Variants in ITPK1 observed in about 807,000 individuals in gnomAD.
ITPK1 encodes inositol-tetrakisphosphate 1-kinase.
A neutral mutation model predicts 45.3 loss-of-function variants in ITPK1; 21 were observed. That is an observed-to-expected ratio of 0.46 (90% confidence interval 0.33 to 0.67). The LOEUF (loss-of-function observed/expected upper bound fraction) is 0.67, where lower values mean the gene tolerates loss of function less well. ITPK1 is among the 30% of genes least tolerant of loss of function. ITPK1 has a pLI of 0.02. For missense variants in ITPK1, 474 were observed against 573.5 expected, an observed-to-expected ratio of 0.83 and a Z score of 1.77; for synonymous variants, 258 against 253.6, an observed-to-expected ratio of 1.02 and a Z score of -0.16.
At chr14:93,103,490 T>C (rs1173920303) in intron 2 of ITPK1, among the ~76,000 whole-genome samples, 1 of 152,020 alleles carries the variant, frequency 6.6e-6, no homozygotes, top group African/African-American at 2.4e-5. Context: ...CAGCACACTG[T>C]GGGCAAGAGC....
intron 2 of ITPK1, among the ~76,000 whole-genome samples, chr14:93,102,295 C>T (rs1405421922): frequency 6.6e-6 from 1 of 152,246 alleles, no homozygotes; most frequent in African/African-American, 2.4e-5. Context: ...GCGCCCAGGT[C>T]AAGGTGATAA....
chr14:92,946,560 A>AC lies in ITPK1; in HGVS notation c.739-68dup, dbSNP rs1271537197. The AC allele has an allele frequency of 3.6e-5, 53 of 1,454,870 alleles. No individual in the cohort carries two copies. In the African/African-American group the frequency reaches 5.0e-4, roughly 14 times the overall value. The allele number at this position is 1,454,870 out of a possible 1,614,324, so 90.1% of individuals were successfully genotyped here. A position where few individuals can be genotyped will look rare whatever the true frequency, so the allele number is the denominator to read the frequency against. Reference sequence around the variant, plus strand: ...CTGCGAAGCCACACCACACAGACAGACCCCCCACACCAGCTGCCACGAGGC... The same window carrying AC: ...CTGCGAAGCCACACCACACAGACAGACCCCCCCACACCAGCTGCCACGAGGC... On this transcript the variant is annotated intron_variant, in intron 9 of 10. Coordinates refer to ENST00000267615, the MANE Select transcript of ITPK1 (RefSeq NM_014216.6).
chr14:92,998,196 G>A (rs1305100925), intron 4 of ITPK1, among the ~76,000 whole-genome samples: 2 of 152,218 alleles, frequency 1.3e-5, no homozygotes, highest in Admixed American at 1.3e-4. Flanking sequence ...GATCATGGAT[G>A]CAAAAGGAGT....
At chr14:93,056,314 C>T (rs1168391363) in intron 3 of ITPK1, among the ~76,000 whole-genome samples, 3 of 152,184 alleles carry the variant, frequency 2.0e-5, no homozygotes, top group East Asian at 1.9e-4. Flanking sequence ...CCTCTGGGGT[C>T]ACCCAAGGGC....
At chr14:93,098,848 G>A (rs1253587871) in intron 2 of ITPK1, among the ~76,000 whole-genome samples, 1 of 152,088 alleles carries the variant, frequency 6.6e-6, no homozygotes, top group Non-Finnish European at 1.5e-5. Context: ...GAAAATTCTG[G>A]AACACCAAGC....
chr14:93,021,625 C>T lies in ITPK1; in HGVS notation c.121-4824G>A, dbSNP rs527295121. On this transcript the variant is annotated intron_variant, in intron 3 of 10. Coordinates refer to ENST00000267615, the MANE Select transcript of ITPK1 (RefSeq NM_014216.6). The stretch of plus-strand genomic sequence containing the variant: ...AAAAGAAAAGAAAAAGAAAAAGAAA[C>T]GAGCTTGGCCTCAGAGGACTCCATG... Among the ~76,000 whole-genome samples, 96 of 135,934 alleles carry T rather than the reference C, an allele frequency of 7.1e-4. 1 individual carries two copies. Among genetic ancestry groups the T allele is most frequent in the African/African-American group, 2.8e-3 (88 of 31,392 alleles). 89.2% of individuals were successfully genotyped at this position (135,934 alleles called of 152,430 possible).
intron 4 of ITPK1, among the ~76,000 whole-genome samples, chr14:93,006,264 G>C (rs1460591971): frequency 2.6e-5 from 4 of 152,208 alleles, no homozygotes; most frequent in African/African-American, 9.7e-5. Flanking sequence ...GCCCTGGGAA[G>C]GGCTGGGGAA....
Position 92,941,609 on chromosome 14 carries a change from G to A in ITPK1, c.1197C>T (p.Phe399=). 1 of 1,538,028 alleles carries A rather than the reference G, an allele frequency of 6.5e-7. No homozygotes were observed. The highest frequency in any genetic ancestry group is 8.7e-7 in the Non-Finnish European group (1 of 1,144,620). The change falls in exon 11 of 11, where the codon TTC becomes TTT. Residue 399 remains phenylalanine, a synonymous_variant. Coordinates refer to ENST00000267615, the MANE Select transcript of ITPK1 (RefSeq NM_014216.6). ...CCAGGGAGGCCACACAATGCTGCTG[G>A]AAGCTGGGCGACACGCCGGCGTTGC... ...LGCNAGVSPS[F]QQHCVASLAT... is the part of the protein sequence containing the mutation.
chr14:92,960,319 G>C (rs1333471043), intron 7 of ITPK1, among the ~76,000 whole-genome samples: 1 of 152,190 alleles, frequency 6.6e-6, no homozygotes, highest in African/African-American at 2.4e-5. Flanking sequence ...GGCATCCTGA[G>C]AGGGGTGCAC....
intron 5 of ITPK1, among the ~76,000 whole-genome samples, chr14:92,964,857 T>TA (rs1885265217): frequency 6.6e-6 from 1 of 152,206 alleles, no homozygotes; most frequent in Non-Finnish European, 1.5e-5. Context: ...ATAATGTCAC[T>TA]AGTGGCCAGT....
intron 3 of ITPK1, among the ~76,000 whole-genome samples, chr14:93,058,088 C>T (rs1890285185): frequency 1.3e-5 from 2 of 152,116 alleles, no homozygotes; most frequent in Non-Finnish European, 2.9e-5. Flanking sequence ...AGGGGACCTG[C>T]CACTGGGGCC....
At chr14:93,020,932 G>A (rs1354830877) in intron 3 of ITPK1, among the ~76,000 whole-genome samples, 8 of 152,040 alleles carry the variant, frequency 5.3e-5, no homozygotes, top group South Asian at 2.1e-4. Flanking sequence ...AGTCTGAGAC[G>A]GGGACTCATG....
At chr14:92,996,749 T>C (rs1887076731) in intron 4 of ITPK1, among the ~76,000 whole-genome samples, 1 of 152,104 alleles carries the variant, frequency 6.6e-6, no homozygotes, top group Non-Finnish European at 1.5e-5. Flanking sequence ...CTAAAGGCAC[T>C]TGGCTGTCCT....
chr14:92,977,600 G>A lies in ITPK1; in HGVS notation c.365-14751C>T, dbSNP rs111378376. On this transcript the variant is annotated intron_variant, in intron 5 of 10. Transcript: ENST00000267615. The stretch of plus-strand genomic sequence containing the variant: ...GATCATGGGGGTGGATTTCCCCCTC[G>A]CTGTTCTCATGACATGAGTGAGTTC... Among the ~76,000 whole-genome samples the A allele has an allele frequency of 4.0e-5, 6 of 149,474 alleles. No homozygotes were observed. The East Asian group carries it at 9.6e-4, about 24-fold the overall frequency.
intron 3 of ITPK1, chr14:93,067,817 T>G (rs1490046205): frequency 6.5e-6 from 1 of 153,424 alleles, no homozygotes; most frequent in Non-Finnish European, 1.5e-5. Flanking sequence ...TTTGTCTTAT[T>G]TGTTATCTAC....
rs991948931 is a variant in ITPK1 at position 92,941,483 on chromosome 14, A to G, written c.*78T>C. On this transcript the variant is annotated 3_prime_UTR_variant, in exon 11 of 11. Transcript: ENST00000267615. ...CAGATCACTGGGGATTCTTAGTAGT[A>G]GCATCGCCGTTGGGAGCTGCTGGCC... 4.0e-5 allele frequency: 57 copies of G among 1,443,022 alleles called. No individual in the cohort carries two copies. The highest frequency in any genetic ancestry group is 3.1e-4 in the African/African-American group (21 of 67,290). 89.4% of individuals were successfully genotyped at this position (1,443,022 alleles called of 1,614,324 possible).
chr14:93,075,078 C>A (rs1278881979), intron 3 of ITPK1, among the ~76,000 whole-genome samples: 1 of 152,120 alleles, frequency 6.6e-6, no homozygotes, highest in Non-Finnish European at 1.5e-5. Flanking sequence ...GTAATCCCAG[C>A]ACTTTTGGAA....
chr14:93,057,842 C>T (rs1054964971), intron 3 of ITPK1, among the ~76,000 whole-genome samples: 3 of 152,202 alleles, frequency 2.0e-5, no homozygotes, highest in Non-Finnish European at 2.9e-5. Context: ...TGCTTGGTGG[C>T]GCTAGGCACC....
rs1484633034 is a variant in ITPK1 at position 92,958,790 on chromosome 14, C to T, written c.505-424G>A. Among the ~76,000 whole-genome samples the T allele has an allele frequency of 6.6e-6, 1 of 152,156 alleles. No homozygotes were observed. Among genetic ancestry groups the T allele is most frequent in the Admixed American group, 6.5e-5 (1 of 15,284 alleles). Reference sequence around the variant, plus strand: ...GACTCGGGCGCAGGAGTCAGGAGGCCTTGGGTCAAAGCCTGTCTGATGACA... The same window carrying T: ...GACTCGGGCGCAGGAGTCAGGAGGCTTTGGGTCAAAGCCTGTCTGATGACA... On this transcript the variant is annotated intron_variant, in intron 7 of 10. Coordinates refer to ENST00000267615, the MANE Select transcript of ITPK1 (RefSeq NM_014216.6). The surrounding 1 kb of genome is among the most constrained non-coding windows in gnomAD (Gnocchi z 4.4).
Sources: gnomAD v4.1 joint callset for allele counts (sites outside exome capture counted in the v4.1 genomes callset) on GRCh38, gnomAD v4.1.1 for gene constraint, Gnocchi (gnomAD v3.1) non-coding constraint, MANE v1.5 for transcripts, NCBI Gene and HGNC (gene_info 2026-07-23, HGNC 2026-07-21) for gene names.